MPHOSPH8: variants seen among roughly 807,000 people sequenced by gnomAD.
MPHOSPH8 encodes M-phase phosphoprotein 8.
A neutral mutation model predicts 87.3 loss-of-function variants in MPHOSPH8; 45 were observed. That is an observed-to-expected ratio of 0.52 (90% CI 0.41 to 0.66). MPHOSPH8 has a LOEUF of 0.66. MPHOSPH8 is among the 30% of genes least tolerant of loss of function. The pLI is 0.00. For synonymous variants in MPHOSPH8, 366 were observed against 376.9 expected (o/e 0.97, Z 0.33); for missense variants, 883 against 1,020.2 (o/e 0.87, Z 1.83).
rs960222548 is a variant in MPHOSPH8, at chr13:19,672,001, G to A, written c.*126G>A. 1.1e-6 allele frequency: 1 copy of A among 925,472 alleles called. No individual in the cohort carries two copies. Among genetic ancestry groups the A allele is most frequent in the African/African-American group, 1.6e-5 (1 of 61,014 alleles). 57.3% of individuals were successfully genotyped at this position (925,472 alleles called of 1,614,324 possible). A position where few individuals can be genotyped will look rare whatever the true frequency, so the allele number is the denominator to read the frequency against. On this transcript the variant is annotated 3_prime_UTR_variant, in exon 14 of 14. Coordinates refer to ENST00000361479, the MANE Select transcript of MPHOSPH8 (RefSeq NM_017520.4). ...CTGTAAACCTCTTGCAGTTAAGCCT[G>A]TTGTCTGTTGTAGTCTGTAAGATGC...
intron 5 of MPHOSPH8, among the ~76,000 whole-genome samples, chr13:19,657,121 C>CAAAAA (rs11383127): frequency 3.7e-4 from 26 of 69,982 alleles, no homozygotes; most frequent in African/African-American, 6.4e-4. Context: ...AACTCTGTCT[C>CAAAAA]AAAAAAAAAA....
chr13:19,667,060 G>A (rs999986133), intron 10 of MPHOSPH8, among the ~76,000 whole-genome samples: 2 of 152,102 alleles, frequency 1.3e-5, no homozygotes, highest in African/African-American at 4.8e-5. Flanking sequence ...TACTCAGGAT[G>A]CTGAGGCAGG....
chr13:19,668,668 A>G, intron 11 of MPHOSPH8, 137 bp downstream of exon 11: 1 of 962,338 alleles, frequency 1.0e-6, no homozygotes, highest in Non-Finnish European at 1.5e-6. Flanking sequence ...ACCGGTTAAC[A>G]GTAGAGCCAC....
At chr13:19,670,792 T>C (rs2137547485) in intron 12 of MPHOSPH8, 1 of 1,223,444 alleles carries the variant, frequency 8.2e-7, no homozygotes, top group African/African-American at 1.6e-5. Context: ...TTTGTATATT[T>C]TTAATAAATC....
intron 7 of MPHOSPH8, chr13:19,659,758 C>G (rs1875409057): frequency 3.0e-6 from 1 of 336,416 alleles, no homozygotes; most frequent in East Asian, 8.1e-5. Flanking sequence ...ATTCCAACCC[C>G]CTCCCCTCTA....
intron 2 of MPHOSPH8, among the ~76,000 whole-genome samples, chr13:19,643,973 A>G (rs140784709): frequency 1.3e-5 from 2 of 152,336 alleles, no homozygotes; most frequent in Non-Finnish European, 2.9e-5. Flanking sequence ...ATACAGAGAA[A>G]TTAACCTCAG....
chr13:19,672,326 T>C lies in MPHOSPH8; in HGVS notation c.*451T>C. The C allele has an allele frequency of 6.1e-6, 1 of 164,704 alleles. No homozygotes were observed. Among genetic ancestry groups the C allele is most frequent in the South Asian group, 1.6e-4 (1 of 6,122 alleles). The allele number at this position is 164,704 out of a possible 1,614,324, so 10.2% of individuals were successfully genotyped here. On this transcript the variant is annotated 3_prime_UTR_variant, in exon 14 of 14. Transcript: ENST00000361479. ...CACCCAGCTAATTTTGTATTTTTAG[T>C]AGAGATGGGGTTTATCCATGTTGGT...
intron 5 of MPHOSPH8, among the ~76,000 whole-genome samples, chr13:19,655,326 G>T (rs1875095848): frequency 6.6e-6 from 1 of 151,984 alleles, no homozygotes; most frequent in African/African-American, 2.4e-5. Flanking sequence ...AAAAAAGCTG[G>T]GTGTGGTACT....
Position 19,653,303 on chromosome 13 carries a change from GCCTCCAGCAAA to G in MPHOSPH8, c.1576+3047_1576+3057del, listed in dbSNP as rs551214148. Among the ~76,000 whole-genome samples, 24 of 152,320 alleles carry G rather than the reference GCCTCCAGCAAA, an allele frequency of 1.6e-4. No individual in the cohort carries two copies. The South Asian group carries it at 4.8e-3, about 30-fold the overall frequency. On this transcript the variant is annotated intron_variant, in intron 5 of 13. Coordinates refer to ENST00000361479, the MANE Select transcript of MPHOSPH8 (RefSeq NM_017520.4). ...CCCAGGCAAACAGAGTCTGGAGTGAGCCTCCAGCAAACCTGCAGCAGAGGTGCCTGTTAGAA... is the reference window on the plus strand; with the variant it reads ...CCCAGGCAAACAGAGTCTGGAGTGAGCCTGCAGCAGAGGTGCCTGTTAGAA...
At chr13:19,647,395 T>A (rs1874626898) in intron 3 of MPHOSPH8, 104 bp downstream of exon 3, 1 of 946,808 alleles carries the variant, frequency 1.1e-6, no homozygotes, top group Non-Finnish European at 1.5e-6. Context: ...TTTATGACCA[T>A]GGGCGGTCAT....
chr13:19,671,861 G>A lies in MPHOSPH8; in HGVS notation c.2569G>A (p.Val857Met), dbSNP rs541458851. Residue 857 changes from valine to methionine, a missense_variant, in exon 14 of 14, where the codon GTG becomes ATG. Physicochemically the swap from Val to Met is conservative, Grantham distance 21. Coordinates refer to ENST00000361479, the MANE Select transcript of MPHOSPH8 (RefSeq NM_017520.4). ...TAAGTTGCTAATAGGTGCATACAGA[G>A]TGCAGCTGCAGTGACCAAACAGAAG... Reference protein sequence around the residue: ...KVKLLIGAYRVQLQ With the variant: ...KVKLLIGAYRMQLQ The A allele has an allele frequency of 6.2e-7, 1 of 1,614,038 alleles. No homozygotes were observed. The highest frequency in any genetic ancestry group is 1.7e-5 in the Admixed American group (1 of 60,000).
chr13:19,670,843 G>A lies in MPHOSPH8; in HGVS notation c.2458-363G>A, dbSNP rs535908845. 11 of 1,145,236 alleles carry A rather than the reference G, an allele frequency of 9.6e-6. No homozygotes were observed. In the African/African-American group the frequency reaches 1.9e-4, roughly 19 times the overall value. The allele number at this position is 1,145,236 out of a possible 1,614,324, so 70.9% of individuals were successfully genotyped here. A position where few individuals can be genotyped will look rare whatever the true frequency, so the allele number is the denominator to read the frequency against. Reference sequence around the variant, plus strand: ...CACTTTTTTTTTTTTTTTGAAGACAGGGTCTCGCTCTGTTGTCCAGGCTGG... The same window carrying A: ...CACTTTTTTTTTTTTTTTGAAGACAAGGTCTCGCTCTGTTGTCCAGGCTGG... On this transcript the variant is annotated intron_variant, in intron 12 of 13. Coordinates refer to ENST00000361479, the MANE Select transcript of MPHOSPH8 (RefSeq NM_017520.4).
intron 5 of MPHOSPH8, among the ~76,000 whole-genome samples, chr13:19,656,303 G>C (rs1256569038): frequency 9.1e-6 from 1 of 110,492 alleles, no homozygotes; most frequent in Non-Finnish European, 2.0e-5. Context: ...AAAAAAAACT[G>C]TCGTCATCAG....
In MPHOSPH8 at chr13:19,673,293, T is replaced by C. The variant is rs1876259668; in HGVS notation, c.*1418T>C. The C allele has an allele frequency of 2.7e-6, 1 of 364,374 alleles. No homozygotes were observed. Among genetic ancestry groups the C allele is most frequent in the Non-Finnish European group, 5.4e-6 (1 of 184,774 alleles). The allele number at this position is 364,374 out of a possible 1,614,324, so 22.6% of individuals were successfully genotyped here. A position where few individuals can be genotyped will look rare whatever the true frequency, so the allele number is the denominator to read the frequency against. On this transcript the variant is annotated 3_prime_UTR_variant, in exon 14 of 14. Transcript: ENST00000361479. Reference sequence around the variant, plus strand: ...TATGGAGAAGTTGAAAATTGTTTTGTTCCTCATTAGTTTATAATTGTATGA... The same window carrying C: ...TATGGAGAAGTTGAAAATTGTTTTGCTCCTCATTAGTTTATAATTGTATGA...
chr13:19,642,771 T>C (rs1017584801), intron 2 of MPHOSPH8, among the ~76,000 whole-genome samples: 1 of 152,162 alleles, frequency 6.6e-6, no homozygotes, highest in African/African-American at 2.4e-5. Context: ...GGCTGAACAT[T>C]GATCTTTCTC....
chr13:19,659,805 TTG>T (rs2137532546), intron 7 of MPHOSPH8: 1 of 258,234 alleles, frequency 3.9e-6, no homozygotes, highest in Non-Finnish European at 8.0e-6. Context: ...TCTACCTGTT[TTG>T]TATGTGGTTT....
chr13:19,660,125 T>TA (rs1875440622), intron 7 of MPHOSPH8, among the ~76,000 whole-genome samples: 2 of 149,366 alleles, frequency 1.3e-5, no homozygotes, highest in East Asian at 3.9e-4. Flanking sequence ...CTCGCCCGGC[T>TA]AATTTTTTGT....
At chr13:19,660,778 T>A (rs1162803480) in intron 7 of MPHOSPH8, among the ~76,000 whole-genome samples, 1 of 152,196 alleles carries the variant, frequency 6.6e-6, no homozygotes, top group East Asian at 1.9e-4. Context: ...AAGCTGTGGA[T>A]GTCTTTGTAC....
intron 1 of MPHOSPH8, among the ~76,000 whole-genome samples, chr13:19,634,760 G>T (rs1447507723): frequency 6.6e-6 from 1 of 152,162 alleles, no homozygotes; most frequent in Non-Finnish European, 1.5e-5. Flanking sequence ...CCTGCTATAT[G>T]TGGTCTCCTT....
Sources: allele counts gnomAD v4.1 joint callset (sites outside exome capture counted in the v4.1 genomes callset), GRCh38; gene constraint gnomAD v4.1.1; transcripts MANE v1.5; gene names NCBI Gene and HGNC (gene_info 2026-07-23, HGNC 2026-07-21).